ROBO2: variants seen among roughly 807,000 people sequenced by gnomAD.
ROBO2 encodes the protein roundabout homolog 2.
In ROBO2, 53 loss-of-function variants were observed where a neutral mutation model predicts 160.8. The observed-to-expected ratio is 0.33, with a 90% CI of 0.26 to 0.41. ROBO2 has a LOEUF of 0.41. Among genes scored for constraint, ROBO2 ranks in the 10% least tolerant of loss-of-function variants. The probability of loss-of-function intolerance (pLI) is 1.00; values close to 1 mark genes in which losing one functional copy is unlikely to be tolerated. For missense variants in ROBO2, 1,577 were observed against 1,722.4 expected, an observed-to-expected ratio of 0.92 and a Z score of 1.49; for synonymous variants, 664 against 611.7, an observed-to-expected ratio of 1.09 and a Z score of -1.26.
At chr3:76,194,124 G>A (rs181633005) in intron 2 of ROBO2, among the ~76,000 whole-genome samples, 127 of 151,700 alleles carry the variant, frequency 8.4e-4, no homozygotes, top group Middle Eastern at 3.4e-3. Flanking sequence ...ATCTAGTAAT[G>A]CAAGTTTAAT....
At chr3:77,442,217 C>T (rs1200919076) in intron 2 of ROBO2, among the ~76,000 whole-genome samples, 1 of 151,800 alleles carries the variant, frequency 6.6e-6, no homozygotes, top group Non-Finnish European at 1.5e-5. Context: ...GAGGCTGAGG[C>T]AGGAGAATGG....
chr3:77,223,116 A>T (rs888005380), intron 2 of ROBO2, among the ~76,000 whole-genome samples: 3 of 152,180 alleles, frequency 2.0e-5, no homozygotes, highest in Admixed American at 1.3e-4. Context: ...CAGAAGCTTA[A>T]AGTTTAGCTG....
chr3:75,962,163 A>G (rs906856686), intron 2 of ROBO2, among the ~76,000 whole-genome samples: 1 of 151,702 alleles, frequency 6.6e-6, no homozygotes, highest in African/African-American at 2.4e-5. Context: ...GAAGGGAGTT[A>G]ATCTTGAAAG....
intron 1 of ROBO2, among the ~76,000 whole-genome samples, chr3:77,091,482 C>A (rs2150023626): frequency 6.6e-6 from 1 of 152,160 alleles, no homozygotes; most frequent in African/African-American, 2.4e-5. Flanking sequence ...CTCTGAGAAG[C>A]AGAAATAATC....
chr3:75,913,321 C>T (rs1445661980), intron 1 of ROBO2, among the ~76,000 whole-genome samples: 4 of 152,174 alleles, frequency 2.6e-5, no homozygotes, highest in Non-Finnish European at 5.9e-5. Context: ...ATCATATCTA[C>T]AAGTCCCTTT....
chr3:76,403,462 A>C (rs1456854179), intron 2 of ROBO2, among the ~76,000 whole-genome samples: 1 of 151,612 alleles, frequency 6.6e-6, no homozygotes, highest in African/African-American at 2.4e-5. Flanking sequence ...ACAGGTTGTT[A>C]GAACAATTTC....
intron 7 of ROBO2, among the ~76,000 whole-genome samples, chr3:77,546,821 C>T (rs2092715797): frequency 6.6e-6 from 1 of 152,020 alleles, no homozygotes. Context: ...AGGACATATG[C>T]AGTACTTAGA....
chr3:76,603,256 C>T (rs528840704), intron 2 of ROBO2, among the ~76,000 whole-genome samples: 11 of 146,742 alleles, frequency 7.5e-5, no homozygotes, highest in South Asian at 2.2e-4. Context: ...GGCGTGAACC[C>T]GGGAGGCAGA....
At chr3:77,540,101 T>C (rs1298496846) in intron 6 of ROBO2, among the ~76,000 whole-genome samples, 4 of 152,224 alleles carry the variant, frequency 2.6e-5, no homozygotes, top group African/African-American at 9.6e-5. Context: ...TAGGTTTCAC[T>C]GTGATGCGAT....
At chr3:76,138,603 A>T (rs1299178389) in intron 2 of ROBO2, among the ~76,000 whole-genome samples, 1 of 151,980 alleles carries the variant, frequency 6.6e-6, no homozygotes, top group Admixed American at 6.6e-5. Context: ...ATGCAGTTGA[A>T]TTTTTTCAAT....
intron 2 of ROBO2, among the ~76,000 whole-genome samples, chr3:76,353,870 C>T (rs2075015791): frequency 6.6e-6 from 1 of 151,836 alleles, no homozygotes; most frequent in African/African-American, 2.4e-5. Context: ...TGCATAACAA[C>T]GTCTGGGGCA....
At chr3:77,164,533 G>GT (rs1474067871) in intron 2 of ROBO2, among the ~76,000 whole-genome samples, 1 of 145,568 alleles carries the variant, frequency 6.9e-6, no homozygotes, top group Non-Finnish European at 1.5e-5. Context: ...CGGGAGGGAG[G>GT]TGGGGGGGTC....
At chr3:76,356,970 TTAAAA>T (rs1452325723) in intron 2 of ROBO2, among the ~76,000 whole-genome samples, 1 of 151,844 alleles carries the variant, frequency 6.6e-6, no homozygotes, top group Non-Finnish European at 1.5e-5. Context: ...TATTTTTAGT[TTAAAA>T]TAGTATTTAC....
intron 2 of ROBO2, among the ~76,000 whole-genome samples, chr3:77,108,177 C>T (rs1347690398): frequency 6.7e-6 from 1 of 149,690 alleles, no homozygotes; most frequent in Non-Finnish European, 1.5e-5. Context: ...TATGTATACA[C>T]ATATGCATAT....
chr3:77,391,420 A>G (rs1414002930), intron 2 of ROBO2, among the ~76,000 whole-genome samples: 2 of 151,778 alleles, frequency 1.3e-5, no homozygotes, highest in East Asian at 2.0e-4. Context: ...TGTCGTCCCA[A>G]CTCAACCCCC....
chr3:76,843,183 A>G (rs944476428), intron 2 of ROBO2, among the ~76,000 whole-genome samples: 8 of 150,210 alleles, frequency 5.3e-5, no homozygotes. Flanking sequence ...ATGTTTTGTT[A>G]TATAATTTAT....
intron 2 of ROBO2, among the ~76,000 whole-genome samples, chr3:76,206,287 T>C (rs576381436): frequency 6.6e-6 from 1 of 152,304 alleles, no homozygotes; most frequent in East Asian, 1.9e-4. Context: ...CTAAATAGTT[T>C]AATAAGTTAT....
chr3:76,935,976 G>C (rs1429743577), intron 2 of ROBO2, among the ~76,000 whole-genome samples: 1 of 151,966 alleles, frequency 6.6e-6, no homozygotes, highest in Non-Finnish European at 1.5e-5. Flanking sequence ...GGTGGGGAGG[G>C]GACACAAACA....
intron 2 of ROBO2, among the ~76,000 whole-genome samples, chr3:76,160,898 C>G (rs2072605440): frequency 6.6e-6 from 1 of 152,032 alleles, no homozygotes; most frequent in African/African-American, 2.4e-5. Context: ...TTCAAGACCC[C>G]TCATATTTCT....
Sources: allele counts gnomAD v4.1 joint callset (sites outside exome capture counted in the v4.1 genomes callset), GRCh38; gene constraint gnomAD v4.1.1; transcripts MANE v1.5; gene names NCBI Gene and HGNC (gene_info 2026-07-23, HGNC 2026-07-21).